ZNF8: variants seen among roughly 807,000 people sequenced by gnomAD.
ZNF8 encodes the protein zinc finger protein 8.
In ZNF8, 9 loss-of-function variants were observed where a neutral mutation model predicts 12.2. The observed-to-expected ratio is 0.73, with a 90% confidence interval of 0.44 to 1.28. ZNF8 has a LOEUF of 1.28. Ranked by LOEUF, ZNF8 falls within the 50% of genes most tolerant of loss-of-function variation. ZNF8 has a pLI of 0.00. For synonymous variants in ZNF8, 274 were observed against 282.3 expected (o/e 0.97, Z 0.30); for missense variants, 664 against 729.1 (o/e 0.91, Z 1.03).
rs377369930 is a variant in ZNF8 at position 58,290,229 on chromosome 19, G to A, written c.290-3869G>A. On this transcript the variant is annotated intron_variant, in intron 3 of 3. Coordinates refer to ENST00000621650, the MANE Select transcript of ZNF8 (RefSeq NM_021089.3). The stretch of plus-strand genomic sequence containing the variant: ...CCCGGGTTCACGCCATTCTGCCTTA[G>A]CCTCCCGAGTAGCTGGGACTACAGG... 8.4e-4 allele frequency among the ~76,000 whole-genome samples: 118 copies of A among 140,936 alleles called. 2 individuals carry two copies. The East Asian group carries it at 0.018, about 22-fold the overall frequency. 92.5% of individuals were successfully genotyped at this position (140,936 alleles called of 152,430 possible).
chr19:58,282,255 A>G (rs2051354874), intron 1 of ZNF8, among the ~76,000 whole-genome samples: 1 of 152,070 alleles, frequency 6.6e-6, no homozygotes. Flanking sequence ...TCATGTACTT[A>G]TTTGCCATTT....
intron 3 of ZNF8, chr19:58,286,699 A>G (rs1202306737): frequency 6.5e-6 from 1 of 152,916 alleles, no homozygotes; most frequent in East Asian, 1.9e-4. Context: ...TGTGGGAACC[A>G]TCCCCAAATC....
rs533980225 is a variant in ZNF8 at position 58,294,709 on chromosome 19, G to A, written c.901G>A (p.Val301Ile). The A allele has an allele frequency of 5.0e-6, 8 of 1,614,042 alleles. No individual in the cohort carries two copies. Among genetic ancestry groups the A allele is most frequent in the South Asian group, 3.3e-5 (3 of 91,074 alleles). ...GKAFSQNSSL[V>I]QHERIHTGDK... ...AGCCTTCAGCCAGAACTCCTCCCTCGTCCAGCATGAGCGCATCCACACTGG... is the reference window on the plus strand; with the variant it reads ...AGCCTTCAGCCAGAACTCCTCCCTCATCCAGCATGAGCGCATCCACACTGG... The change falls in exon 4 of 4, where the codon GTC becomes ATC. Residue 301 changes from valine to isoleucine, a missense_variant. Coordinates refer to ENST00000621650, the MANE Select transcript of ZNF8 (RefSeq NM_021089.3). The surrounding 1 kb of genome is among the most constrained non-coding windows in gnomAD (Gnocchi z 5.5).
In ZNF8 at chr19:58,289,955, C is replaced by T. The variant is rs1006381128; in HGVS notation, c.289+3750C>T. Among the ~76,000 whole-genome samples, 4 of 152,058 alleles carry T rather than the reference C, an allele frequency of 2.6e-5. No individual in the cohort carries two copies. The East Asian group carries it at 7.7e-4, about 29-fold the overall frequency. ...TGAGACTACAGGCCGTGCCACCATG[C>T]CCAGCTAATTTTTTGTATTTTTAGT... is the stretch of plus-strand genomic sequence containing the variant. On this transcript the variant is annotated intron_variant, in intron 3 of 3. Coordinates refer to ENST00000621650, the MANE Select transcript of ZNF8 (RefSeq NM_021089.3).
rs2051450946 is a variant in ZNF8 at position 58,295,767 on chromosome 19, TCA to T, written c.*234_*235del. 1.9e-6 allele frequency: 1 copy of T among 515,016 alleles called. No individual in the cohort carries two copies. The highest frequency in any genetic ancestry group is 3.2e-5 in the East Asian group (1 of 31,606). The allele number at this position is 515,016 out of a possible 1,614,324, so 31.9% of individuals were successfully genotyped here. A position where few individuals can be genotyped will look rare whatever the true frequency, so the allele number is the denominator to read the frequency against. ...TTCCTTCCATTACACCACAGTGAGTTCACAGGTAATATAACCTACCCACCTGT... is the reference window on the plus strand; with the variant it reads ...TTCCTTCCATTACACCACAGTGAGTTCAGGTAATATAACCTACCCACCTGT... On this transcript the variant is annotated 3_prime_UTR_variant, in exon 4 of 4. Transcript: ENST00000621650.
rs2051472456 is a variant in ZNF8, at chr19:58,298,766, G to C, written c.*3230G>C. ...TGTTCTGGGTTGCCTCATAAATTTT[G>C]TTTTCTATTTGTTTCATAGTAATCA... On this transcript the variant is annotated 3_prime_UTR_variant, in exon 4 of 4. Transcript: ENST00000621650. The C allele has an allele frequency of 6.6e-6, 1 of 151,876 alleles. No individual in the cohort carries two copies. The allele number at this position is 151,876 out of a possible 1,614,324, so 9.4% of individuals were successfully genotyped here. A position where few individuals can be genotyped will look rare whatever the true frequency, so the allele number is the denominator to read the frequency against.
rs2051463367 is a variant in ZNF8, at chr19:58,297,542, T to C, written c.*2006T>C. 6.6e-6 allele frequency: 1 copy of C among 152,100 alleles called. No homozygotes were observed. The highest frequency in any genetic ancestry group is 2.4e-5 in the African/African-American group (1 of 41,414). 9.4% of individuals were successfully genotyped at this position (152,100 alleles called of 1,614,324 possible). A position where few individuals can be genotyped will look rare whatever the true frequency, so the allele number is the denominator to read the frequency against. Reference sequence around the variant, plus strand: ...GATCCTCCCACCCCAGCCTCCCAAGTAGCTGGGACCACAGGCATGTGCCAC... The same window carrying C: ...GATCCTCCCACCCCAGCCTCCCAAGCAGCTGGGACCACAGGCATGTGCCAC... On this transcript the variant is annotated 3_prime_UTR_variant, in exon 4 of 4. Transcript: ENST00000621650.
intron 1 of ZNF8, among the ~76,000 whole-genome samples, chr19:58,284,719 C>T (rs1466831362): frequency 2.0e-5 from 3 of 151,914 alleles, no homozygotes; most frequent in Admixed American, 6.6e-5. Flanking sequence ...CGTGGTGGTG[C>T]GCTCCTGTAG....
At chr19:58,285,429 A>G (rs113848740) in intron 1 of ZNF8, among the ~76,000 whole-genome samples, 2,942 of 152,260 alleles carry the variant, frequency 0.019, 100 homozygotes, top group African/African-American at 0.064. Flanking sequence ...ACCTGCAAAT[A>G]AGTGGTTTAG....
Position 58,300,611 on chromosome 19 carries a change from GGCAGCTAGCCGTAGCTGCTGCTTTTC to G in ZNF8, c.*5076_*5101del, listed in dbSNP as rs2051486083. On this transcript the variant is annotated 3_prime_UTR_variant, in exon 4 of 4. Coordinates refer to ENST00000621650, the MANE Select transcript of ZNF8 (RefSeq NM_021089.3). ...AAAGTCCTGGGAAGTGGATGATGGA[GGCAGCTAGCCGTAGCTGCTGCTTTTC>G]TCTTCAAGCTCTTGGGAGAATTGCT... 1 of 152,094 alleles carries G rather than the reference GGCAGCTAGCCGTAGCTGCTGCTTTTC, an allele frequency of 6.6e-6. No homozygotes were observed. The highest frequency in any genetic ancestry group is 1.5e-5 in the Non-Finnish European group (1 of 68,058). 9.4% of individuals were successfully genotyped at this position (152,094 alleles called of 1,614,324 possible). A position where few individuals can be genotyped will look rare whatever the true frequency, so the allele number is the denominator to read the frequency against.
rs73941807 is a variant in ZNF8 at position 58,279,695 on chromosome 19, C to T, written c.66+548C>T. The stretch of plus-strand genomic sequence containing the variant: ...GTGTGATGAGAGTGACCACCAGGGT[C>T]GTCCCCTGCGAGACTGTGGGAGAAC... On this transcript the variant is annotated intron_variant, in intron 1 of 3. Transcript: ENST00000621650. 1,656 of 1,528,968 alleles carry T rather than the reference C, an allele frequency of 1.1e-3. 16 individuals carry two copies. The African/African-American group carries it at 0.019, about 17-fold the overall frequency. The allele number at this position is 1,528,968 out of a possible 1,614,324, so 94.7% of individuals were successfully genotyped here.
Position 58,294,151 on chromosome 19 carries a change from G to C in ZNF8, c.343G>C (p.Glu115Gln), listed in dbSNP as rs745398891. The change falls in exon 4 of 4, where the codon GAA becomes CAA. Residue 115 changes from glutamate to glutamine, a missense_variant. Glu to Gln is a conservative substitution (Grantham distance 29, BLOSUM62 2). This residue lies in a region of ZNF8 where 306 missense variants were observed against 308.7 expected (regional missense o/e 0.99). Coordinates refer to ENST00000621650, the MANE Select transcript of ZNF8 (RefSeq NM_021089.3). The surrounding 1 kb of genome is among the most constrained non-coding windows in gnomAD (Gnocchi z 5.5). ...ATCACGCAAGGAAGAGGGCCTGCCT[G>C]AAGAGGAGCCATCCCATGTCACGGG... ...QASRKEEGLP[E>Q]EEPSHVTGRE... 5.6e-6 allele frequency: 9 copies of C among 1,613,370 alleles called. No individual in the cohort carries two copies. The highest frequency in any genetic ancestry group is 7.6e-6 in the Non-Finnish European group (9 of 1,179,426).
intron 3 of ZNF8, among the ~76,000 whole-genome samples, chr19:58,291,936 G>A (rs1036260107): frequency 6.6e-6 from 1 of 152,082 alleles, no homozygotes; most frequent in Non-Finnish European, 1.5e-5. Context: ...AGTGGGCGTG[G>A]GGCAAGAGTC....
rs951391497 is a variant in ZNF8 at position 58,300,655 on chromosome 19, G to A, written c.*5119G>A. On this transcript the variant is annotated 3_prime_UTR_variant, in exon 4 of 4. Transcript: ENST00000621650. ...TGCTTTTCTCTTCAAGCTCTTGGGA[G>A]AATTGCTTGTGCTCCCTATTCCCTT... 11 of 152,036 alleles carry A rather than the reference G, an allele frequency of 7.2e-5. No homozygotes were observed. Among genetic ancestry groups the A allele is most frequent in the Non-Finnish European group, 1.6e-4 (11 of 68,040 alleles). The allele number at this position is 152,036 out of a possible 1,614,324, so 9.4% of individuals were successfully genotyped here.
At position 58,295,450 on chromosome 19, in the gene ZNF8, C is replaced by T. The variant is rs772234021; in HGVS notation, c.1642C>T (p.Gln548Ter). The T allele has an allele frequency of 1.9e-6, 3 of 1,613,654 alleles. No homozygotes were observed. The highest frequency in any genetic ancestry group is 3.3e-5 in the Admixed American group (2 of 60,010). Reference protein sequence around the residue: ...LALFDIQKIMQEKNPVHVIGV... With the variant: ...LALFDIQKIM ...TTTGTTTGACATCCAAAAAATCATGCAAGAGAAAAACCCTGTGCACGTTAT... is the reference window on the plus strand; with the variant it reads ...TTTGTTTGACATCCAAAAAATCATGTAAGAGAAAAACCCTGTGCACGTTAT... The change falls in exon 4 of 4, where the codon CAA becomes TAA. Residue 548 changes from glutamine to a stop codon, truncating the protein, a stop_gained. Coordinates refer to ENST00000621650, the MANE Select transcript of ZNF8 (RefSeq NM_021089.3). LOFTEE classifies it low-confidence loss of function (END_TRUNC).
chr19:58,298,226 T>C lies in ZNF8; in HGVS notation c.*2690T>C, dbSNP rs1309034335. The C allele has an allele frequency of 1.3e-5, 2 of 152,278 alleles. No individual in the cohort carries two copies. The highest frequency in any genetic ancestry group is 3.9e-4 in the East Asian group (2 of 5,166). The allele number at this position is 152,278 out of a possible 1,614,324, so 9.4% of individuals were successfully genotyped here. ...TTGTATTTTTAGTAGAGATGGGGTT[T>C]CACCATGTTAGACAGGATGGTGTCG... On this transcript the variant is annotated 3_prime_UTR_variant, in exon 4 of 4. Transcript: ENST00000621650.
intron 1 of ZNF8, among the ~76,000 whole-genome samples, chr19:58,284,068 AC>A (rs2051367841): frequency 6.6e-6 from 1 of 152,026 alleles, no homozygotes; most frequent in East Asian, 1.9e-4. Flanking sequence ...ACTAAAAAAT[AC>A]AAAAATTAGC....
In ZNF8 at chr19:58,295,139, G is replaced by A; in HGVS notation, c.1331G>A (p.Trp444Ter). 6.2e-7 allele frequency: 1 copy of A among 1,613,986 alleles called. No individual in the cohort carries two copies. The highest frequency in any genetic ancestry group is 8.5e-7 in the Non-Finnish European group (1 of 1,180,048). Reference sequence around the variant, plus strand: ...ACGCCAGCTCTCACAAAGCATGAATGGACAGAAGCCCTGGGCTGTGACCCA... The same window carrying A: ...ACGCCAGCTCTCACAAAGCATGAATAGACAGAAGCCCTGGGCTGTGACCCA... ...EQTPALTKHE[W>*]TEALGCDPPL... The change falls in exon 4 of 4, where the codon TGG becomes TAG. Residue 444 changes from tryptophan (W) to a stop codon, truncating the protein, a stop_gained. Coordinates refer to ENST00000621650, the MANE Select transcript of ZNF8 (RefSeq NM_021089.3). LOFTEE classifies it low-confidence loss of function (END_TRUNC).
At position 58,302,403 on chromosome 19, in the gene ZNF8, C is replaced by T. The variant is rs528061118; in HGVS notation, c.*6867C>T. 4 of 152,158 alleles carry T rather than the reference C, an allele frequency of 2.6e-5. No individual in the cohort carries two copies. The highest frequency in any genetic ancestry group is 4.8e-5 in the African/African-American group (2 of 41,424). 9.4% of individuals were successfully genotyped at this position (152,158 alleles called of 1,614,324 possible). A position where few individuals can be genotyped will look rare whatever the true frequency, so the allele number is the denominator to read the frequency against. Reference sequence around the variant, plus strand: ...TTGCAGCTTTTTCTTAAAATATACACGTGTGTCTACACATACATAGTGTAC... The same window carrying T: ...TTGCAGCTTTTTCTTAAAATATACATGTGTGTCTACACATACATAGTGTAC... On this transcript the variant is annotated 3_prime_UTR_variant, in exon 4 of 4. Coordinates refer to ENST00000621650, the MANE Select transcript of ZNF8 (RefSeq NM_021089.3).
Sources: gnomAD v4.1 joint callset for allele counts (sites outside exome capture counted in the v4.1 genomes callset) on GRCh38, gnomAD v4.1.1 for gene constraint, gnomAD v4.1.1 regional missense constraint, Gnocchi (gnomAD v3.1) non-coding constraint, MANE v1.5 for transcripts, NCBI Gene and HGNC (gene_info 2026-07-23, HGNC 2026-07-21) for gene names.